ODAD2: variants seen among roughly 807,000 people sequenced by gnomAD.
ODAD2 encodes outer dynein arm-docking complex subunit 2.
In ODAD2, 89 loss-of-function variants were observed where a neutral mutation model predicts 106.8. The ratio of observed to expected loss-of-function variants is 0.83; its 90% CI spans 0.70 to 0.99. The LOEUF is 0.99. Among genes scored for constraint, ODAD2 ranks in the 50% least tolerant of loss-of-function variants. The pLI is 0.00. For missense variants in ODAD2, 1,168 were observed against 1,238.5 expected, an observed-to-expected ratio of 0.94 and a Z score of 0.85; for synonymous variants, 404 against 436.2, an observed-to-expected ratio of 0.93 and a Z score of 0.92.
chr10:27,885,680 T>A (rs1300306762), intron 17 of ODAD2, among the ~76,000 whole-genome samples: 3 of 13,832 alleles, frequency 2.2e-4, no homozygotes, highest in Non-Finnish European at 6.8e-4. Flanking sequence ...AAAATATATA[T>A]AATATATAAT....
chr10:27,913,786 C>T (rs914703928), intron 16 of ODAD2, among the ~76,000 whole-genome samples: 1 of 152,078 alleles, frequency 6.6e-6, no homozygotes, highest in Non-Finnish European at 1.5e-5. Flanking sequence ...CAAGAAGATA[C>T]TATCTCACAT....
At position 27,981,589 on chromosome 10, in the gene ODAD2, G is replaced by GA. The variant is rs775273884; in HGVS notation, c.820-8dup. On this transcript the variant is annotated splice_polypyrimidine_tract_variant and splice_region_variant and intron_variant, in intron 6 of 19. Coordinates refer to ENST00000305242, the MANE Select transcript of ODAD2 (RefSeq NM_018076.5). The stretch of plus-strand genomic sequence containing the variant: ...CTTCATCATCTGTTTTGCCCTTTGG[G>GA]AAAAAACAAGTTTCATTCTATGATT... 6.6e-7 allele frequency: 1 copy of GA among 1,514,840 alleles called. No individual in the cohort carries two copies. The highest frequency in any genetic ancestry group is 8.8e-7 in the Non-Finnish European group (1 of 1,134,918). The allele number at this position is 1,514,840 out of a possible 1,614,324, so 93.8% of individuals were successfully genotyped here.
At chr10:27,858,804 T>TTC (rs1554792224) in intron 19 of ODAD2, among the ~76,000 whole-genome samples, 2 of 648 alleles carry the variant, frequency 3.1e-3, no homozygotes, top group African/African-American at 4.5e-3. Context: ...CCTTAGTACA[T>TTC]TTTTTTTTTT....
intron 19 of ODAD2, among the ~76,000 whole-genome samples, chr10:27,836,953 T>C (rs1397537246): frequency 6.6e-6 from 1 of 152,150 alleles, no homozygotes; most frequent in African/African-American, 2.4e-5. Flanking sequence ...AAATCAGGAT[T>C]TTCCCTGGCT....
Position 27,940,804 on chromosome 10 carries a change from A to T in ODAD2, c.1745T>A (p.Val582Asp), listed in dbSNP as rs1245635112. The change falls in exon 13 of 20, where the codon GTT becomes GAT. Residue 582 changes from valine (V) to aspartate (D), a missense_variant and splice_region_variant. Val to Asp is a radical substitution (Grantham distance 152). This residue lies in a region of ODAD2 where 701 missense variants were observed against 712.3 expected (regional missense o/e 0.98). Transcript: ENST00000305242. Reference sequence around the variant, plus strand: ...ATCATGTGCACAGTCTAGTAGAGCAACCTATAATAATAGATAAATCCAATG... The same window carrying T: ...ATCATGTGCACAGTCTAGTAGAGCATCCTATAATAATAGATAAATCCAATG... ...VRQHGGITKL[V>D]ALLDCAHDST... is the part of the protein sequence containing the mutation. 3.1e-6 allele frequency: 5 copies of T among 1,612,088 alleles called. No individual in the cohort carries two copies. The highest frequency in any genetic ancestry group is 4.2e-6 in the Non-Finnish European group (5 of 1,178,762).
intron 17 of ODAD2, among the ~76,000 whole-genome samples, chr10:27,866,979 C>CT (rs377171808): frequency 3.1e-4 from 46 of 149,930 alleles, no homozygotes; most frequent in Middle Eastern, 7.0e-3. Flanking sequence ...CACAGAACTT[C>CT]TTTTTTTTTT....
chr10:27,929,687 T>C (rs1299296138), intron 16 of ODAD2, among the ~76,000 whole-genome samples: 2 of 152,210 alleles, frequency 1.3e-5, no homozygotes, highest in Non-Finnish European at 2.9e-5. Flanking sequence ...ATTTGAAGGA[T>C]AACTTGGCTA....
chr10:27,982,079 C>T (rs1849586437), intron 6 of ODAD2, among the ~76,000 whole-genome samples: 1 of 152,130 alleles, frequency 6.6e-6, no homozygotes, highest in Admixed American at 6.5e-5. Context: ...TGTCCACACA[C>T]CCATGTGTCT....
chr10:27,932,844 A>G (rs1248230548), intron 16 of ODAD2, among the ~76,000 whole-genome samples: 1 of 152,228 alleles, frequency 6.6e-6, no homozygotes, highest in Non-Finnish European at 1.5e-5. Flanking sequence ...TGTATAGTCA[A>G]TGTTCCACAC....
At chr10:27,833,941 T>G (rs925893380) in intron 19 of ODAD2, among the ~76,000 whole-genome samples, 3 of 152,142 alleles carry the variant, frequency 2.0e-5, no homozygotes, top group African/African-American at 7.2e-5. Flanking sequence ...GGGAGAACAT[T>G]CCAAGCCGAG....
At chr10:27,954,458 G>A (rs1847580262) in intron 10 of ODAD2, among the ~76,000 whole-genome samples, 1 of 151,652 alleles carries the variant, frequency 6.6e-6, no homozygotes, top group African/African-American at 2.4e-5. Context: ...TGCTCTAGCT[G>A]TGCTGGCTTA....
intron 17 of ODAD2, among the ~76,000 whole-genome samples, chr10:27,872,793 T>C (rs1014920262): frequency 6.6e-6 from 1 of 152,208 alleles, no homozygotes; most frequent in Non-Finnish European, 1.5e-5. Context: ...ACGATGTTCA[T>C]CAGGGATATT....
intron 16 of ODAD2, among the ~76,000 whole-genome samples, chr10:27,913,633 C>T (rs1267149128): frequency 6.6e-6 from 1 of 152,054 alleles, no homozygotes; most frequent in African/African-American, 2.4e-5. Flanking sequence ...CTTAAATTAA[C>T]AAGCAAAAGC....
intron 17 of ODAD2, among the ~76,000 whole-genome samples, chr10:27,870,206 G>A (rs976718281): frequency 2.6e-5 from 4 of 151,828 alleles, no homozygotes; most frequent in East Asian, 1.9e-4. Flanking sequence ...GGCATTTCCC[G>A]ATCTGGCCCA....
intron 16 of ODAD2, among the ~76,000 whole-genome samples, chr10:27,933,102 T>G (rs1845722596): frequency 1.3e-5 from 2 of 151,906 alleles, no homozygotes; most frequent in Admixed American, 1.3e-4. Context: ...ACAAAAAAAT[T>G]TAAAGAATTA....
At position 27,979,473 on chromosome 10, in the gene ODAD2, G is replaced by C. The variant is rs202097819; in HGVS notation, c.936+1993C>G. ...ACACACACACACACACACACACACA[G>C]AGTTAAATGAATTCAGTGAAGTTGC... On this transcript the variant is annotated intron_variant, in intron 7 of 19. Coordinates refer to ENST00000305242, the MANE Select transcript of ODAD2 (RefSeq NM_018076.5). Among the ~76,000 whole-genome samples, 125 of 122,156 alleles carry C rather than the reference G, an allele frequency of 1.0e-3. No homozygotes were observed. In the South Asian group the frequency reaches 0.014, roughly 14 times the overall value. 80.1% of individuals were successfully genotyped at this position (122,156 alleles called of 152,430 possible).
intron 17 of ODAD2, among the ~76,000 whole-genome samples, chr10:27,898,962 A>T (rs1304008921): frequency 6.6e-6 from 1 of 152,136 alleles, no homozygotes; most frequent in Non-Finnish European, 1.5e-5. Flanking sequence ...ATTTAGAGTC[A>T]AGTTAAATTT....
intron 1 of ODAD2, chr10:27,997,478 G>A (rs1201296209): frequency 1.3e-5 from 2 of 152,144 alleles, no homozygotes; most frequent in African/African-American, 4.8e-5. Context: ...TAACGCTATG[G>A]TAGTCAACAT....
chr10:27,883,758 A>G (rs1219629010), intron 17 of ODAD2, among the ~76,000 whole-genome samples: 3 of 152,216 alleles, frequency 2.0e-5, no homozygotes, highest in Non-Finnish European at 4.4e-5. Context: ...TCTTCAGTTT[A>G]GTTGAAAGTA....
Sources: gnomAD v4.1 joint callset for allele counts (sites outside exome capture counted in the v4.1 genomes callset) on GRCh38, gnomAD v4.1.1 for gene constraint, gnomAD v4.1.1 regional missense constraint, MANE v1.5 for transcripts, NCBI Gene and HGNC (gene_info 2026-07-23, HGNC 2026-07-21) for gene names.